TNR: variants seen among roughly 807,000 people sequenced by gnomAD.
TNR encodes the protein tenascin-R.
A neutral mutation model predicts 150.4 loss-of-function variants in TNR; 45 were observed. The observed-to-expected ratio is 0.30, with a 90% CI of 0.24 to 0.38. TNR has a LOEUF of 0.38. Among genes scored for constraint, TNR ranks in the 10% least tolerant of loss-of-function variants. The probability of loss-of-function intolerance (pLI) is 1.00; values close to 1 mark genes in which losing one functional copy is unlikely to be tolerated. For missense variants in TNR, 1,544 were observed against 1,759.1 expected (o/e 0.88, Z 2.19); for synonymous variants, 687 against 678.4 (o/e 1.01, Z -0.20).
chr1:175,346,627 A>G (rs1036354705), intron 18 of TNR, among the ~76,000 whole-genome samples: 40 of 152,176 alleles, frequency 2.6e-4, no homozygotes, highest in Admixed American at 1.2e-3. Context: ...AAACAATGAA[A>G]AGTCTTTTGA....
chr1:175,646,084 T>C (rs982810963), intron 1 of TNR, among the ~76,000 whole-genome samples: 1 of 152,194 alleles, frequency 6.6e-6, no homozygotes, highest in African/African-American at 2.4e-5. Context: ...TGAATGTGTT[T>C]GGGGCAGGGA....
At chr1:175,709,872 A>G (rs1666952263) in intron 1 of TNR, among the ~76,000 whole-genome samples, 1 of 151,716 alleles carries the variant, frequency 6.6e-6, no homozygotes, top group South Asian at 2.1e-4. Context: ...TCCATCCTCA[A>G]AGAGCTCAAG....
chr1:175,595,908 A>G (rs1662986665), intron 1 of TNR, among the ~76,000 whole-genome samples: 1 of 152,194 alleles, frequency 6.6e-6, no homozygotes, highest in Non-Finnish European at 1.5e-5. Flanking sequence ...TGCTAATGGT[A>G]CAAATGAGGA....
intron 1 of TNR, among the ~76,000 whole-genome samples, chr1:175,539,710 G>A (rs1350742029): frequency 2.0e-5 from 3 of 152,206 alleles, no homozygotes; most frequent in African/African-American, 7.2e-5. Context: ...AGGCCAGGCT[G>A]TTGCTCATGC....
Position 175,406,359 on chromosome 1 carries a change from T to C in TNR, c.356A>G (p.Asn119Ser). The part of the protein sequence containing the change: ...ESQVTFTHRI[N>S]FPKKACPCAS... ...ACATGGACAGGCCTTTTTGGGGAAG[T>C]TGATCCTGTGTGTAAAGGTGACCTG... The change falls in exon 3 of 23, where the codon AAC becomes AGC. Residue 119 changes from asparagine to serine, a missense_variant. Asn to Ser is a conservative substitution (Grantham distance 46). Coordinates refer to ENST00000367674, the MANE Select transcript of TNR (RefSeq NM_003285.3). 1.9e-6 allele frequency: 3 copies of C among 1,614,060 alleles called. No homozygotes were observed. The highest frequency in any genetic ancestry group is 1.7e-6 in the Non-Finnish European group (2 of 1,180,002).
chr1:175,455,104 C>T (rs1381684072), intron 2 of TNR, among the ~76,000 whole-genome samples: 1 of 152,222 alleles, frequency 6.6e-6, no homozygotes, highest in Non-Finnish European at 1.5e-5. Context: ...CTGATAATCC[C>T]AGCCTGTGAG....
chr1:175,442,814 C>T (rs35357711), intron 2 of TNR, among the ~76,000 whole-genome samples: 7,293 of 151,744 alleles, frequency 0.048, 424 homozygotes, highest in African/African-American at 0.11. Flanking sequence ...TCTAGGAGAA[C>T]GTAGTCTTGA....
At chr1:175,696,237 T>TTG (rs1666519135) in intron 1 of TNR, among the ~76,000 whole-genome samples, 1 of 147,678 alleles carries the variant, frequency 6.8e-6, no homozygotes, top group African/African-American at 2.6e-5. Flanking sequence ...TTTTTTTTTT[T>TTG]TTTTTTTCCA....
At chr1:175,352,923 G>T (rs1233734548) in intron 18 of TNR, among the ~76,000 whole-genome samples, 2 of 152,104 alleles carry the variant, frequency 1.3e-5, no homozygotes, top group East Asian at 1.9e-4. Context: ...GGGGCTGGGG[G>T]ACTTTCTCTC....
At chr1:175,557,402 C>T (rs1462067947) in intron 1 of TNR, among the ~76,000 whole-genome samples, 3 of 152,162 alleles carry the variant, frequency 2.0e-5, no homozygotes, top group Non-Finnish European at 2.9e-5. Flanking sequence ...AACAATATGG[C>T]TATTCAGTTT....
chr1:175,380,780 G>T (rs116532757), intron 8 of TNR, among the ~76,000 whole-genome samples: 1,751 of 152,242 alleles, frequency 0.012, 33 homozygotes, highest in African/African-American at 0.041. Context: ...GTGCAATAAC[G>T]TGCTGCCCGG....
Position 175,580,919 on chromosome 1 carries a change from C to A in TNR, c.-164-52550G>T, listed in dbSNP as rs140792465. Among the ~76,000 whole-genome samples the A allele has an allele frequency of 2.2e-3, 330 of 151,792 alleles. 6 individuals are homozygous for A. The East Asian group carries it at 0.047, about 22-fold the overall frequency. ...TTCTTCTAGAAAGAACAGAGGGTTT[C>A]AAGTTGTCAGGGGGTGGGGGATGGG... On this transcript the variant is annotated intron_variant, in intron 1 of 22. Coordinates refer to ENST00000367674, the MANE Select transcript of TNR (RefSeq NM_003285.3).
chr1:175,408,430 T>C (rs1252706482), intron 2 of TNR, among the ~76,000 whole-genome samples: 7 of 152,240 alleles, frequency 4.6e-5, no homozygotes, highest in Non-Finnish European at 5.9e-5. Context: ...TTGATTTTAT[T>C]AGGAGTAACC....
intron 1 of TNR, among the ~76,000 whole-genome samples, chr1:175,733,620 C>T (rs963797488): frequency 6.6e-6 from 1 of 152,174 alleles, no homozygotes. Context: ...ATTTTAATAA[C>T]TCAGGCACAG....
intron 1 of TNR, among the ~76,000 whole-genome samples, chr1:175,555,142 T>C (rs568967362): frequency 1.3e-5 from 2 of 152,288 alleles, no homozygotes; most frequent in African/African-American, 4.8e-5. Flanking sequence ...GAGACAACAT[T>C]AGAAGAGAAC....
At chr1:175,541,022 A>G (rs1660481002) in intron 1 of TNR, among the ~76,000 whole-genome samples, 1 of 151,710 alleles carries the variant, frequency 6.6e-6, no homozygotes, top group Non-Finnish European at 1.5e-5. Context: ...CATATTCCCT[A>G]TCCCCAGGCT....
At chr1:175,696,647 A>T (rs1666534551) in intron 1 of TNR, among the ~76,000 whole-genome samples, 1 of 152,236 alleles carries the variant, frequency 6.6e-6, no homozygotes, top group Non-Finnish European at 1.5e-5. Flanking sequence ...TGGGAGGCCA[A>T]GGCAGGCAGA....
intron 1 of TNR, among the ~76,000 whole-genome samples, chr1:175,589,686 T>C (rs1465931299): frequency 2.0e-5 from 3 of 152,312 alleles, no homozygotes; most frequent in Non-Finnish European, 4.4e-5. Flanking sequence ...GATGAATTCG[T>C]GTCCTTTGCA....
chr1:175,641,992 G>C (rs1664678046), intron 1 of TNR, among the ~76,000 whole-genome samples: 1 of 152,156 alleles, frequency 6.6e-6, no homozygotes, highest in Non-Finnish European at 1.5e-5. Context: ...ATAAAACCCT[G>C]TCCCTGCTAT....
Sources: gnomAD v4.1 joint callset for allele counts (sites outside exome capture counted in the v4.1 genomes callset) on GRCh38, gnomAD v4.1.1 for gene constraint, MANE v1.5 for transcripts, NCBI Gene and HGNC (gene_info 2026-07-23, HGNC 2026-07-21) for gene names.